The following CEP112 variants were observed in gnomAD, a reference collection of about 807,000 sequenced individuals.
CEP112 encodes centrosomal protein of 112 kDa.
CEP112 carries 127 observed loss-of-function variants against 153.0 expected under a neutral mutation model. The observed-to-expected ratio is 0.83, with a 90% CI of 0.72 to 0.96. The LOEUF is 0.96. Ranked by LOEUF, CEP112 falls within the 40% of genes least tolerant of loss-of-function variation. The pLI is 0.00. For synonymous variants in CEP112, 358 were observed against 374.4 expected, an observed-to-expected ratio of 0.96 and a Z score of 0.51; for missense variants, 1,089 against 1,101.2, an observed-to-expected ratio of 0.99 and a Z score of 0.16.
chr17:66,166,217 G>A (rs924506469), intron 4 of CEP112, among the ~76,000 whole-genome samples: 2 of 152,094 alleles, frequency 1.3e-5, no homozygotes, highest in African/African-American at 2.4e-5. Context: ...CTAATTAAAT[G>A]CCTTCTTTTT....
intron 24 of CEP112, among the ~76,000 whole-genome samples, chr17:65,663,748 C>G (rs569335270): frequency 6.6e-6 from 1 of 152,308 alleles, no homozygotes; most frequent in East Asian, 1.9e-4. Flanking sequence ...GAATCAAACC[C>G]TGTCTTCAAG....
intron 4 of CEP112, among the ~76,000 whole-genome samples, chr17:66,152,204 T>C (rs1005146199): frequency 5.9e-5 from 9 of 152,176 alleles, no homozygotes; most frequent in Admixed American, 2.6e-4. Flanking sequence ...TTAGTAGGAA[T>C]CTGGAATTTG....
At chr17:65,699,152 T>C (rs1055008247) in intron 23 of CEP112, among the ~76,000 whole-genome samples, 1 of 152,256 alleles carries the variant, frequency 6.6e-6, no homozygotes, top group Non-Finnish European at 1.5e-5. Context: ...TTATCTAACT[T>C]CTTTTCTCAT....
chr17:66,175,098 T>G lies in CEP112; in HGVS notation c.416A>C (p.Lys139Thr). The G allele has an allele frequency of 6.2e-7, 1 of 1,613,220 alleles. No individual in the cohort carries two copies. Among genetic ancestry groups the G allele is most frequent in the Non-Finnish European group, 8.5e-7 (1 of 1,179,598 alleles). The change falls in exon 4 of 27, where the codon AAA (lysine) becomes ACA (threonine). Residue 139 changes from lysine (K) to threonine (T), a missense_variant. Transcript: ENST00000535342. ...AGTGTTATCTTCTCCAGAAGAGAGTTTCCATGATTCATTTAATTTGTGTTC... is the reference window on the plus strand; with the variant it reads ...AGTGTTATCTTCTCCAGAAGAGAGTGTCCATGATTCATTTAATTTGTGTTC... ...TSEHKLNESW[K>T]LSSGEDNTLV...
intron 21 of CEP112, among the ~76,000 whole-genome samples, chr17:65,832,946 A>C (rs1396470974): frequency 2.6e-5 from 4 of 152,186 alleles, no homozygotes; most frequent in Non-Finnish European, 5.9e-5. Context: ...ACATTGTTGC[A>C]AAAATCCTCA....
rs148750980 is a variant in CEP112, at chr17:66,079,932, G to A, written c.769-9931C>T. 2.7e-4 allele frequency among the ~76,000 whole-genome samples: 41 copies of A among 152,220 alleles called. No individual in the cohort carries two copies. The East Asian group carries it at 6.4e-3, about 24-fold the overall frequency. ...GAAAGGATTCCCTATTTAATAAATG[G>A]TGTTGGGAAAACTGGCTAGCCATAG... On this transcript the variant is annotated intron_variant, in intron 8 of 26. Transcript: ENST00000535342.
intron 17 of CEP112, among the ~76,000 whole-genome samples, chr17:65,992,382 T>C (rs1010540564): frequency 2.6e-5 from 4 of 152,154 alleles, no homozygotes; most frequent in Non-Finnish European, 5.9e-5. Flanking sequence ...TGGAATATTA[T>C]AAAAACTATG....
In CEP112 at chr17:65,958,561, GC is replaced by G. The variant is rs2062080390; in HGVS notation, c.1872+2901del. Among the ~76,000 whole-genome samples the G allele has an allele frequency of 6.5e-5, 3 of 45,982 alleles. No individual in the cohort carries two copies. In the South Asian group the frequency reaches 6.2e-3, roughly 95 times the overall value. 30.2% of individuals were successfully genotyped at this position (45,982 alleles called of 152,430 possible). A position where few individuals can be genotyped will look rare whatever the true frequency, so the allele number is the denominator to read the frequency against. ...AATGTTGGAGCAAAGTTAGGGCTGAGCCTGGGTGCTGTCGCATGCCAGCCCC... is the reference window on the plus strand; with the variant it reads ...AATGTTGGAGCAAAGTTAGGGCTGAGCTGGGTGCTGTCGCATGCCAGCCCC... On this transcript the variant is annotated intron_variant, in intron 18 of 26. Transcript: ENST00000535342.
chr17:66,035,740 C>G (rs1391102656), intron 12 of CEP112, among the ~76,000 whole-genome samples: 2 of 152,196 alleles, frequency 1.3e-5, no homozygotes, highest in African/African-American at 4.8e-5. Flanking sequence ...GTGCAGCTCT[C>G]TCCTGGATGG....
intron 24 of CEP112, among the ~76,000 whole-genome samples, chr17:65,651,461 G>A (rs2045772183): frequency 6.6e-6 from 1 of 152,106 alleles, no homozygotes; most frequent in Non-Finnish European, 1.5e-5. Context: ...ACCCAGTAGT[G>A]GGATTGCTGG....
intron 24 of CEP112, among the ~76,000 whole-genome samples, chr17:65,660,206 T>TCCTTCCTTCCTTCCTTCCTTCCTTCCTTC (rs879609880): frequency 1.5e-5 from 2 of 130,726 alleles, no homozygotes; most frequent in African/African-American, 3.2e-5. Context: ...CTTCCTTCCT[T>TCCTTCCTTCCTTCCTTCCTTCCTTCCTTC]CTTTCCTTCC....
At chr17:66,004,656 TA>T (rs1291111700) in intron 17 of CEP112, among the ~76,000 whole-genome samples, 7 of 152,224 alleles carry the variant, frequency 4.6e-5, no homozygotes, top group African/African-American at 1.4e-4. Context: ...CCATAGTTTA[TA>T]AATCGCATTA....
At chr17:65,680,261 C>T (rs930800713) in intron 24 of CEP112, among the ~76,000 whole-genome samples, 18 of 152,040 alleles carry the variant, frequency 1.2e-4, no homozygotes, top group Admixed American at 3.3e-4. Context: ...ATGACCACCC[C>T]GGATGAAAAT....
intron 23 of CEP112, among the ~76,000 whole-genome samples, chr17:65,710,783 G>A (rs943960415): frequency 4.6e-5 from 7 of 152,164 alleles, no homozygotes; most frequent in Non-Finnish European, 5.9e-5. Context: ...GAAGTGCACT[G>A]GCCATCCAGG....
intron 22 of CEP112, among the ~76,000 whole-genome samples, chr17:65,743,581 T>A (rs1243829142): frequency 6.6e-6 from 1 of 152,216 alleles, no homozygotes; most frequent in Non-Finnish European, 1.5e-5. Context: ...CTGCTTTTCA[T>A]AATACTTTGA....
chr17:65,669,620 A>G (rs2046865051), intron 24 of CEP112, among the ~76,000 whole-genome samples: 1 of 152,018 alleles, frequency 6.6e-6, no homozygotes, highest in Non-Finnish European at 1.5e-5. Flanking sequence ...AAAAGAAGAA[A>G]AGGCCGGGTA....
chr17:66,115,209 A>AC (rs2146406543), intron 6 of CEP112, among the ~76,000 whole-genome samples: 1 of 152,284 alleles, frequency 6.6e-6, no homozygotes, highest in African/African-American at 2.4e-5. Flanking sequence ...AAACAAACAA[A>AC]AAAAAAACCC....
At chr17:65,825,590 A>G (rs1656136414) in intron 21 of CEP112, among the ~76,000 whole-genome samples, 1 of 151,918 alleles carries the variant, frequency 6.6e-6, no homozygotes, top group South Asian at 2.1e-4. Context: ...TTTACAAAAT[A>G]AAAAAAAATT....
At chr17:65,821,557 T>A (rs1420493999) in intron 21 of CEP112, among the ~76,000 whole-genome samples, 2 of 111,518 alleles carry the variant, frequency 1.8e-5, no homozygotes, top group Non-Finnish European at 3.7e-5. Context: ...TTTTTTTTTT[T>A]TTTTTTTTTT....
Sources: allele counts gnomAD v4.1 joint callset (sites outside exome capture counted in the v4.1 genomes callset), GRCh38; gene constraint gnomAD v4.1.1; transcripts MANE v1.5; gene names NCBI Gene and HGNC (gene_info 2026-07-23, HGNC 2026-07-21).